UGT1A5: variants seen among roughly 807,000 people sequenced by gnomAD.
The protein encoded by UGT1A5 is UDP glucuronosyltransferase family 1 member A5, also known as UDP-glucuronosyltransferase 1A5.
UGT1A5 carries 29 observed loss-of-function variants against 40.3 expected under a neutral mutation model. That is an observed-to-expected ratio of 0.72 (90% CI 0.54 to 0.98). The LOEUF is 0.98. Among genes scored for constraint, UGT1A5 ranks in the 50% least tolerant of loss-of-function variants. The pLI is 0.00. For missense variants in UGT1A5, 678 were observed against 677.9 expected, an observed-to-expected ratio of 1.00 and a Z score of 0.00; for synonymous variants, 257 against 262.5, an observed-to-expected ratio of 0.98 and a Z score of 0.20.
Position 233,747,767 on chromosome 2 carries a change from A to G in UGT1A5, c.868-19267A>G, listed in dbSNP as rs1240243146. 273 of 1,613,386 alleles carry G rather than the reference A, an allele frequency of 1.7e-4. 1 individual carries two copies. The South Asian group carries it at 2.9e-3, about 17-fold the overall frequency. On this transcript the variant is annotated intron_variant, in intron 1 of 4. Coordinates refer to ENST00000373414, the MANE Select transcript of UGT1A5 (RefSeq NM_019078.2). ...CATGTGATTTAGACTTTAAGGGCAC[A>G]CAGTGTCCAAATCCTTCCTCCTATA... is the stretch of plus-strand genomic sequence containing the variant.
intron 1 of UGT1A5, among the ~76,000 whole-genome samples, chr2:233,748,368 T>C (rs76077604): frequency 0.034 from 5,139 of 151,930 alleles, 164 homozygotes; most frequent in African/African-American, 0.052. Context: ...ATCTTCATGG[T>C]TGTGCATGTC....
At chr2:233,744,382 C>T (rs1464518756) in intron 1 of UGT1A5, among the ~76,000 whole-genome samples, 13 of 151,968 alleles carry the variant, frequency 8.6e-5, no homozygotes, top group Non-Finnish European at 1.3e-4. Flanking sequence ...AGTTCTCCAA[C>T]GTTCCAGCCC....
chr2:233,771,014 CGA>C (rs1700215366), intron 4 of UGT1A5: 2 of 152,012 alleles, frequency 1.3e-5, no homozygotes, highest in Admixed American at 1.3e-4. Context: ...AAAGCAGGAG[CGA>C]GAGAGAGTTG....
At chr2:233,738,596 A>G (rs545904932) in intron 1 of UGT1A5, among the ~76,000 whole-genome samples, 1 of 152,336 alleles carries the variant, frequency 6.6e-6, no homozygotes, top group East Asian at 1.9e-4. Flanking sequence ...CACTCTTGCT[A>G]AGCTTTAGCA....
At chr2:233,750,988 G>A (rs946459693) in intron 1 of UGT1A5, among the ~76,000 whole-genome samples, 12 of 151,852 alleles carry the variant, frequency 7.9e-5, no homozygotes, top group Non-Finnish European at 1.3e-4. Context: ...GTGAGAAGGC[G>A]GCCACCATCC....
At chr2:233,740,990 G>A (rs1192365077) in intron 1 of UGT1A5, 1 of 151,728 alleles carries the variant, frequency 6.6e-6, no homozygotes, top group East Asian at 1.9e-4. Context: ...GGAATGCTGA[G>A]GAGGAAGGAT....
chr2:233,732,570 C>A (rs1379814187), intron 1 of UGT1A5, among the ~76,000 whole-genome samples: 2 of 152,184 alleles, frequency 1.3e-5, no homozygotes, highest in Non-Finnish European at 2.9e-5. Flanking sequence ...GGAATCCTTT[C>A]CCCATTGCTT....
chr2:233,769,481 G>C lies in UGT1A5; in HGVS notation c.1307+1042G>C. ...TTCATATGCGTGTGTGTGTGTGTGCGTGTGTTTATGAGAGTGTCCATTGCT... is the reference window on the plus strand; with the variant it reads ...TTCATATGCGTGTGTGTGTGTGTGCCTGTGTTTATGAGAGTGTCCATTGCT... On this transcript the variant is annotated intron_variant, in intron 4 of 4. Coordinates refer to ENST00000373414, the MANE Select transcript of UGT1A5 (RefSeq NM_019078.2). This position sits in a 1 kb window ranked among gnomAD's most constrained non-coding sequence, Gnocchi z 4.4. 6.2e-7 allele frequency: 1 copy of C among 1,612,192 alleles called. No homozygotes were observed. The highest frequency in any genetic ancestry group is 1.1e-5 in the South Asian group (1 of 91,012).
chr2:233,762,058 G>A (rs1697953737), intron 1 of UGT1A5, among the ~76,000 whole-genome samples: 2 of 151,982 alleles, frequency 1.3e-5, no homozygotes, highest in Non-Finnish European at 2.9e-5. Context: ...TTCCTTCATA[G>A]CACATCAAAT....
chr2:233,728,683 G>A (rs1270712584), intron 1 of UGT1A5, among the ~76,000 whole-genome samples: 4 of 152,230 alleles, frequency 2.6e-5, no homozygotes, highest in African/African-American at 7.2e-5. Flanking sequence ...TGAGAAGAAA[G>A]TTTCAAGGGT....
intron 2 of UGT1A5, 44 bp downstream of exon 2, chr2:233,767,209 A>G: frequency 1.2e-6 from 2 of 1,613,062 alleles, no homozygotes; most frequent in Non-Finnish European, 1.7e-6. Flanking sequence ...TTTTCACAGG[A>G]GCGCTAATCC....
rs141814082 is a variant in UGT1A5, at chr2:233,729,618, C to T, written c.867+15760C>T. ...TCTGCGCGGCAGTGCTGGCTAAGTACCTGTCGATTCCTACTGTGTTTTTTT... is the reference window on the plus strand; with the variant it reads ...TCTGCGCGGCAGTGCTGGCTAAGTATCTGTCGATTCCTACTGTGTTTTTTT... On this transcript the variant is annotated intron_variant, in intron 1 of 4. Transcript: ENST00000373414. The T allele has an allele frequency of 3.1e-6, 5 of 1,613,838 alleles. No homozygotes were observed. The South Asian group carries it at 4.4e-5, about 14-fold the overall frequency.
At chr2:233,747,347 G>A (rs1693638720) in intron 1 of UGT1A5, 5 of 1,603,376 alleles carry the variant, frequency 3.1e-6, no homozygotes, top group Non-Finnish European at 4.3e-6. Context: ...CTCGCATGCG[G>A]GAGGCCGTGC....
chr2:233,726,612 G>T (rs540444142), intron 1 of UGT1A5, among the ~76,000 whole-genome samples: 42 of 152,220 alleles, frequency 2.8e-4, no homozygotes, highest in African/African-American at 9.9e-4. Context: ...ACACTGTCCT[G>T]CCCAGATACC....
intron 1 of UGT1A5, chr2:233,719,003 C>A: frequency 6.2e-7 from 1 of 1,614,256 alleles, no homozygotes; most frequent in Non-Finnish European, 8.5e-7. Flanking sequence ...CGGTGGTCCT[C>A]ACCCCAGAGG....
At chr2:233,731,192 A>C (rs1451773849) in intron 1 of UGT1A5, among the ~76,000 whole-genome samples, 1 of 152,106 alleles carries the variant, frequency 6.6e-6, no homozygotes. Context: ...GTAATTATTC[A>C]ATTATAAAAT....
In UGT1A5 at chr2:233,729,871, C is replaced by G. The variant is rs752223675; in HGVS notation, c.867+16013C>G. On this transcript the variant is annotated intron_variant, in intron 1 of 4. Coordinates refer to ENST00000373414, the MANE Select transcript of UGT1A5 (RefSeq NM_019078.2). Reference sequence around the variant, plus strand: ...GAGAGAGGTGTCAGTGGTGGATATTCTCAGTCATGCATCTGTGTGGCTGTT... The same window carrying G: ...GAGAGAGGTGTCAGTGGTGGATATTGTCAGTCATGCATCTGTGTGGCTGTT... The G allele has an allele frequency of 1.5e-5, 25 of 1,613,730 alleles. No homozygotes were observed. Among genetic ancestry groups the G allele is most frequent in the African/African-American group, 4.0e-5 (3 of 74,882 alleles).
rs200102302 is a variant in UGT1A5, at chr2:233,761,088, C to T, written c.868-5946C>T. Reference sequence around the variant, plus strand: ...ACTTTGTGAAGGATTACCCTAGGCCCATCATGCCCAATATGGTTTTTGTTG... The same window carrying T: ...ACTTTGTGAAGGATTACCCTAGGCCTATCATGCCCAATATGGTTTTTGTTG... On this transcript the variant is annotated intron_variant, in intron 1 of 4. Coordinates refer to ENST00000373414, the MANE Select transcript of UGT1A5 (RefSeq NM_019078.2). The T allele has an allele frequency of 4.8e-5, 77 of 1,614,202 alleles. No individual in the cohort carries two copies. Among genetic ancestry groups the T allele is most frequent in the Admixed American group, 1.0e-4 (6 of 60,034 alleles).
intron 1 of UGT1A5, chr2:233,754,561 A>G (rs1695515427): frequency 2.5e-6 from 1 of 393,304 alleles, no homozygotes; most frequent in Non-Finnish European, 5.1e-6. Context: ...GTCAATGGGG[A>G]GCAACTGCTC....
Sources: allele counts gnomAD v4.1 joint callset (sites outside exome capture counted in the v4.1 genomes callset), GRCh38; gene constraint gnomAD v4.1.1; non-coding constraint Gnocchi (gnomAD v3.1); transcripts MANE v1.5; gene names NCBI Gene and HGNC (gene_info 2026-07-23, HGNC 2026-07-21).